Variants in DLC1 observed in about 807,000 individuals in gnomAD.
DLC1 encodes the protein DLC1 Rho GTPase activating protein, also known as rho GTPase-activating protein 7.
Under a neutral mutation model 140.3 loss-of-function variants are expected in DLC1, and 54 were observed. That is an observed-to-expected ratio of 0.38 (90% CI 0.31 to 0.48). DLC1 has a LOEUF of 0.48. DLC1 is among the 20% of genes least tolerant of loss of function. The probability of loss-of-function intolerance (pLI) is 0.96; values close to 1 mark genes in which losing one functional copy is unlikely to be tolerated. For synonymous variants in DLC1, 986 were observed against 728.1 expected (o/e 1.35, Z -5.70); for missense variants, 2,536 against 1,907.0 (o/e 1.33, Z -6.14).
intron 2 of DLC1, among the ~76,000 whole-genome samples, chr8:13,446,547 A>T (rs1336487657): frequency 6.6e-6 from 1 of 151,110 alleles, no homozygotes; most frequent in African/African-American, 2.5e-5. Flanking sequence ...AGAAGGAGAG[A>T]AGAAAAGAAA....
At chr8:13,392,063 T>A (rs1265594513) in intron 4 of DLC1, among the ~76,000 whole-genome samples, 2 of 150,818 alleles carry the variant, frequency 1.3e-5, no homozygotes, top group Non-Finnish European at 3.0e-5. Flanking sequence ...TTACCCATTA[T>A]GAAAATGAAG....
chr8:13,215,730 A>C (rs1211221801), intron 5 of DLC1, among the ~76,000 whole-genome samples: 1 of 152,136 alleles, frequency 6.6e-6, no homozygotes, highest in Non-Finnish European at 1.5e-5. Context: ...CATAATCCAT[A>C]TTTTCTTAAG....
At chr8:13,414,974 C>T (rs1363906079) in intron 2 of DLC1, among the ~76,000 whole-genome samples, 1 of 151,962 alleles carries the variant, frequency 6.6e-6, no homozygotes, top group East Asian at 1.9e-4. Flanking sequence ...CCATGCCTGG[C>T]TAATTTTTTT....
In DLC1 at chr8:13,540,494, C is replaced by A. The variant is rs554522940; in HGVS notation, c.-125-40298G>T. 3.3e-5 allele frequency among the ~76,000 whole-genome samples: 5 copies of A among 152,256 alleles called. No individual in the cohort carries two copies. The South Asian group carries it at 1.0e-3, about 32-fold the overall frequency. On this transcript the variant is annotated intron_variant, in intron 1 of 1. Transcript: ENST00000631382. The stretch of plus-strand genomic sequence containing the variant: ...CGTCCGATATTAAACAGAAAACCCC[C>A]ACTCAGAATTCCAGTTCATGAACTG...
At chr8:13,559,244 C>T (rs188229367) in intron 1 of DLC1, 3 of 152,354 alleles carry the variant, frequency 2.0e-5, no homozygotes, top group Admixed American at 2.0e-4. Context: ...AGCATGGGCG[C>T]AAAGAATGAG....
chr8:13,095,361 C>G, intron 10 of DLC1, 116 bp from the exon 11 acceptor site: 1 of 1,293,726 alleles, frequency 7.7e-7, no homozygotes, highest in African/African-American at 1.5e-5. Context: ...AATACGGTGG[C>G]TACTTAAATT....
intron 1 of DLC1, among the ~76,000 whole-genome samples, chr8:13,563,497 A>G (rs531931742): frequency 4.7e-4 from 71 of 152,322 alleles, no homozygotes; most frequent in Non-Finnish European, 9.1e-4. Flanking sequence ...AGAAAGAATC[A>G]GCTCCTCACA....
At chr8:13,220,113 G>A (rs1328325145) in intron 5 of DLC1, among the ~76,000 whole-genome samples, 1 of 152,108 alleles carries the variant, frequency 6.6e-6, no homozygotes, top group African/African-American at 2.4e-5. Flanking sequence ...GGTGATGGTT[G>A]TACAACATTG....
chr8:13,087,055 T>C (rs1346779693), intron 16 of DLC1, among the ~76,000 whole-genome samples: 1 of 152,190 alleles, frequency 6.6e-6, no homozygotes, highest in African/African-American at 2.4e-5. Flanking sequence ...ATTTGCTCTT[T>C]TGCTCTCCCT....
chr8:13,174,627 G>A (rs962015668), intron 5 of DLC1, among the ~76,000 whole-genome samples: 1 of 152,092 alleles, frequency 6.6e-6, no homozygotes, highest in African/African-American at 2.4e-5. Flanking sequence ...GTGATGATAA[G>A]CATTTTTATA....
At chr8:13,380,710 G>A (rs1197034951) in intron 4 of DLC1, among the ~76,000 whole-genome samples, 1 of 152,170 alleles carries the variant, frequency 6.6e-6, no homozygotes, top group Non-Finnish European at 1.5e-5. Flanking sequence ...AGCTCCCTGT[G>A]ATCGGATGTT....
intron 5 of DLC1, among the ~76,000 whole-genome samples, chr8:13,241,283 A>T (rs919320377): frequency 6.6e-6 from 1 of 152,218 alleles, no homozygotes; most frequent in Non-Finnish European, 1.5e-5. Context: ...AAGCATTAAG[A>T]AAAGGCCGTT....
intron 5 of DLC1, among the ~76,000 whole-genome samples, chr8:13,174,041 C>T (rs956631705): frequency 1.3e-5 from 2 of 152,048 alleles, no homozygotes; most frequent in Non-Finnish European, 2.9e-5. Flanking sequence ...TTATAGTCCC[C>T]AGTGTCTGTT....
chr8:13,325,223 A>T (rs1228459626), intron 4 of DLC1, among the ~76,000 whole-genome samples: 2 of 152,164 alleles, frequency 1.3e-5, no homozygotes, highest in Non-Finnish European at 2.9e-5. Flanking sequence ...GTTTATTCAG[A>T]GCTCTGGAGG....
chr8:13,138,694 T>A lies in DLC1; in HGVS notation c.1349-23037A>T, dbSNP rs547350755. Among the ~76,000 whole-genome samples, 149 of 152,336 alleles carry A rather than the reference T, an allele frequency of 9.8e-4. 1 individual carries two copies. The highest frequency in any genetic ancestry group is 3.5e-3 in the African/African-American group (146 of 41,582). On this transcript the variant is annotated intron_variant, in intron 5 of 17. Transcript: ENST00000276297. ...TAAGTTAGAAATTGAATGGCTGTCC[T>A]TAAAACATTCATTTATTGTTAAGCT...
intron 1 of DLC1, among the ~76,000 whole-genome samples, chr8:13,528,072 A>G (rs1388988620): frequency 6.6e-6 from 1 of 152,150 alleles, no homozygotes; most frequent in African/African-American, 2.4e-5. Flanking sequence ...TTGTTAGATA[A>G]ATAATGATTT....
chr8:13,382,157 A>G (rs1263868544), intron 4 of DLC1, among the ~76,000 whole-genome samples: 1 of 152,174 alleles, frequency 6.6e-6, no homozygotes, highest in African/African-American at 2.4e-5. Context: ...TGATCTAGAT[A>G]AGGAGATTTC....
chr8:13,344,526 C>A (rs1186674439), intron 4 of DLC1, among the ~76,000 whole-genome samples: 3 of 152,156 alleles, frequency 2.0e-5, no homozygotes, highest in African/African-American at 4.8e-5. Flanking sequence ...TACTTTCAAT[C>A]TACAGGGAAA....
chr8:13,159,513 C>A (rs1188458450), intron 5 of DLC1, among the ~76,000 whole-genome samples: 2 of 152,166 alleles, frequency 1.3e-5, no homozygotes, highest in Non-Finnish European at 2.9e-5. Context: ...TTGCTGAAGG[C>A]ACCATCTCAT....
Sources: gnomAD v4.1 joint callset for allele counts (sites outside exome capture counted in the v4.1 genomes callset) on GRCh38, gnomAD v4.1.1 for gene constraint, MANE v1.5 for transcripts, NCBI Gene and HGNC (gene_info 2026-07-23, HGNC 2026-07-21) for gene names.